The following SLC22A24 variants were observed in gnomAD, a reference collection of about 807,000 sequenced individuals.
SLC22A24 encodes the protein solute carrier family 22 member 24, also known as steroid transmembrane transporter SLC22A24.
A neutral mutation model predicts 49.8 loss-of-function variants in SLC22A24; 53 were observed. The ratio of observed to expected loss-of-function variants is 1.06; its 90% CI spans 0.85 to 1.34. SLC22A24 has a LOEUF of 1.34. Among genes scored for constraint, SLC22A24 ranks in the 40% most tolerant of loss-of-function variants. The pLI, the probability that SLC22A24 is intolerant of heterozygous loss-of-function variation, is 0.00. For missense variants in SLC22A24, 786 were observed against 675.9 expected (o/e 1.16, Z -1.81); for synonymous variants, 302 against 256.4 (o/e 1.18, Z -1.70).
intron 2 of SLC22A24, among the ~76,000 whole-genome samples, chr11:63,122,713 G>A (rs2087260646): frequency 6.6e-6 from 1 of 151,960 alleles, no homozygotes; most frequent in African/African-American, 2.4e-5. Flanking sequence ...GTAGAGACGG[G>A]GTTTCAGCAT....
intron 6 of SLC22A24, among the ~76,000 whole-genome samples, chr11:63,090,099 A>G (rs2087010670): frequency 2.0e-5 from 3 of 150,624 alleles, no homozygotes; most frequent in South Asian, 4.2e-4. Context: ...AAAAAAAAAA[A>G]AAAAAAGACA....
intron 4 of SLC22A24, among the ~76,000 whole-genome samples, chr11:63,110,148 A>G (rs2087152368): frequency 6.6e-6 from 1 of 151,058 alleles, no homozygotes; most frequent in East Asian, 2.0e-4. Context: ...GTCAAAGATC[A>G]GATAGTTGTA....
chr11:63,143,107 A>G (rs752005987), intron 1 of SLC22A24, among the ~76,000 whole-genome samples: 9 of 152,176 alleles, frequency 5.9e-5, no homozygotes, highest in Non-Finnish European at 1.3e-4. Flanking sequence ...TCCTATTTTG[A>G]TTAATAAAGA....
rs1590725639 is a variant in SLC22A24, at chr11:63,081,553, T to A, written c.1394+5A>T. The A allele has an allele frequency of 6.5e-7, 1 of 1,545,486 alleles. No homozygotes were observed. The highest frequency in any genetic ancestry group is 8.8e-7 in the Non-Finnish European group (1 of 1,141,332). On this transcript the variant is annotated splice_donor_5th_base_variant and intron_variant, in intron 8 of 9. Transcript: ENST00000612278. Reference sequence around the variant, plus strand: ...TTGAAACCAGATGGTCTTTAGCTCTTGTACCTCAATATGGTGGGGACGAGC... The same window carrying A: ...TTGAAACCAGATGGTCTTTAGCTCTAGTACCTCAATATGGTGGGGACGAGC...
At chr11:63,084,667 G>A (rs1383568343) in intron 6 of SLC22A24, among the ~76,000 whole-genome samples, 1 of 152,100 alleles carries the variant, frequency 6.6e-6, no homozygotes, top group Non-Finnish European at 1.5e-5. Flanking sequence ...ACCAATGCCC[G>A]ACCTTTGCTT....
chr11:63,087,102 G>A (rs902277848), intron 6 of SLC22A24, among the ~76,000 whole-genome samples: 7 of 143,182 alleles, frequency 4.9e-5, no homozygotes, highest in African/African-American at 1.6e-4. Context: ...GTAAGTAGAA[G>A]CAAAGAAATA....
At chr11:63,140,075 G>GTTTTTTTTTTTTGT (rs1188673328) in intron 1 of SLC22A24, among the ~76,000 whole-genome samples, 1 of 85,760 alleles carries the variant, frequency 1.2e-5, no homozygotes, top group African/African-American at 3.7e-5. Flanking sequence ...TTGTTTTTTT[G>GTTTTTTTTTTTTGT]TTTTTTTTTT....
chr11:63,129,439 G>A (rs1281379186), intron 2 of SLC22A24, among the ~76,000 whole-genome samples: 1 of 152,172 alleles, frequency 6.6e-6, no homozygotes, highest in Non-Finnish European at 1.5e-5. Flanking sequence ...TTTTTGCTTA[G>A]GGTTGTCTTG....
At chr11:63,133,332 C>T (rs958397891) in intron 2 of SLC22A24, among the ~76,000 whole-genome samples, 3 of 152,210 alleles carry the variant, frequency 2.0e-5, no homozygotes, top group Admixed American at 6.5e-5. Flanking sequence ...ACTGTCCAAC[C>T]AGTCCCAATG....
chr11:63,104,191 T>A lies in SLC22A24; in HGVS notation c.938A>T (p.Glu313Val), dbSNP rs2087106923. Reference sequence around the variant, plus strand: ...CCAGATCACCTCAGTGGTCAGTGTCTCTTCAGTATTCTTTTTTCCATTTAT... The same window carrying A: ...CCAGATCACCTCAGTGGTCAGTGTCACTTCAGTATTCTTTTTTCCATTTAT... ...AHINGKKNTE[E>V]TLTTELVRST... The change falls in exon 5 of 10, where the codon GAG becomes GTG. Residue 313 changes from glutamate to valine, a missense_variant. Transcript: ENST00000612278. The A allele has an allele frequency of 1.3e-6, 2 of 1,550,108 alleles. No individual in the cohort carries two copies. Among genetic ancestry groups the A allele is most frequent in the Non-Finnish European group, 1.7e-6 (2 of 1,146,862 alleles).
At chr11:63,137,971 G>C (rs1175618491) in intron 1 of SLC22A24, 4 of 152,238 alleles carry the variant, frequency 2.6e-5, no homozygotes, top group African/African-American at 4.8e-5. Flanking sequence ...GCAAGGGTTT[G>C]ATTAATAAAA....
chr11:63,096,555 C>G (rs1030533367), intron 5 of SLC22A24, among the ~76,000 whole-genome samples: 1 of 152,118 alleles, frequency 6.6e-6, no homozygotes, highest in Non-Finnish European at 1.5e-5. Context: ...AGCAATTATT[C>G]TCTAGATATG....
intron 5 of SLC22A24, among the ~76,000 whole-genome samples, chr11:63,101,766 G>A (rs938342618): frequency 6.6e-6 from 1 of 152,088 alleles, no homozygotes; most frequent in African/African-American, 2.4e-5. Flanking sequence ...TAAAAAGAAT[G>A]AGATTCTATA....
In SLC22A24 at chr11:63,143,630, C is replaced by A; in HGVS notation, c.150G>T (p.Trp50Cys). The stretch of plus-strand genomic sequence containing the variant: ...CAGTGTCATTGTCCAGGAGGGGGAC[C>A]CAGCAGCGATGACTAGGGGTGAATG... The part of the protein sequence containing the change: ...FTAFTPSHRC[W>C]VPLLDNDTVS... Residue 50 changes from tryptophan (W) to cysteine (C), a missense_variant, in exon 1 of 10, where the codon TGG becomes TGT. Transcript: ENST00000612278. 1 of 1,591,320 alleles carries A rather than the reference C, an allele frequency of 6.3e-7. No homozygotes were observed. Among genetic ancestry groups the A allele is most frequent in the South Asian group, 1.1e-5 (1 of 87,200 alleles).
chr11:63,143,499 G>C lies in SLC22A24; in HGVS notation c.281C>G (p.Pro94Arg), dbSNP rs527623049. 2.9e-4 allele frequency: 468 copies of C among 1,601,454 alleles called. 8 individuals carry two copies. In the South Asian group the frequency reaches 5.0e-3, roughly 17 times the overall value. Residue 94 changes from proline to arginine, a missense_variant, in exon 1 of 10, where the codon CCC becomes CGC. Coordinates refer to ENST00000612278, the MANE Select transcript of SLC22A24 (RefSeq NM_001136506.2). Reference protein sequence around the residue: ...RPQKCQRFIHPQWQLLHLNGT... With the variant: ...RPQKCQRFIHRQWQLLHLNGT... ...GTTCAGGTGAAGGAGCTGCCACTGG[G>C]GATGGATAAAGCGCTGACACTTCTG...
intron 1 of SLC22A24, chr11:63,137,762 A>G (rs1209338915): frequency 6.6e-6 from 1 of 152,230 alleles, no homozygotes; most frequent in Non-Finnish European, 1.5e-5. Context: ...TTCCTCTTTT[A>G]AAGTGGCATG....
chr11:63,137,380 G>A (rs1049069092), intron 1 of SLC22A24, among the ~76,000 whole-genome samples: 1 of 152,210 alleles, frequency 6.6e-6, no homozygotes, highest in African/African-American at 2.4e-5. Flanking sequence ...GTTGGTGGAA[G>A]TCCAGTAGCC....
chr11:63,119,106 T>C, intron 3 of SLC22A24, 26 bp from the exon 4 acceptor site: 1 of 1,531,542 alleles, frequency 6.5e-7, no homozygotes, highest in South Asian at 1.2e-5. Flanking sequence ...TACATAGTAA[T>C]AATTTTAGAC....
intron 6 of SLC22A24, among the ~76,000 whole-genome samples, chr11:63,092,232 A>G (rs956097411): frequency 5.9e-5 from 9 of 151,924 alleles, no homozygotes; most frequent in Non-Finnish European, 1.5e-5. Context: ...ACTACATACC[A>G]GTGCTCAAGG....
Sources: gnomAD v4.1 joint callset for allele counts (sites outside exome capture counted in the v4.1 genomes callset) on GRCh38, gnomAD v4.1.1 for gene constraint, MANE v1.5 for transcripts, NCBI Gene and HGNC (gene_info 2026-07-23, HGNC 2026-07-21) for gene names.